Variants in VSTM2L observed in about 807,000 individuals in gnomAD.
VSTM2L encodes the protein V-set and transmembrane domain-containing protein 2-like protein.
A neutral mutation model predicts 19.9 loss-of-function variants in VSTM2L; 9 were observed. That is an observed-to-expected ratio of 0.45 (90% CI 0.27 to 0.79). VSTM2L has a LOEUF of 0.79. VSTM2L is among the 30% of genes least tolerant of loss of function. The probability of loss-of-function intolerance (pLI) is 0.15; values close to 1 mark genes in which losing one functional copy is unlikely to be tolerated. For missense variants in VSTM2L, 286 were observed against 295.5 expected (o/e 0.97, Z 0.24); for synonymous variants, 127 against 133.8 (o/e 0.95, Z 0.35).
chr20:37,908,819 A>G (rs777187893), intron 1 of VSTM2L, among the ~76,000 whole-genome samples: 4 of 152,202 alleles, frequency 2.6e-5, no homozygotes, highest in Admixed American at 6.5e-5. Context: ...AAATAAATAG[A>G]TAAAAATAAA....
chr20:37,904,619 C>T (rs1029192377), intron 1 of VSTM2L, among the ~76,000 whole-genome samples: 3 of 152,212 alleles, frequency 2.0e-5, no homozygotes, highest in African/African-American at 7.2e-5. Context: ...GGCTGACAGC[C>T]TTGTTGGGGA....
intron 1 of VSTM2L, among the ~76,000 whole-genome samples, chr20:37,911,720 C>CG (rs772851354): frequency 6.6e-5 from 10 of 152,200 alleles, no homozygotes; most frequent in Non-Finnish European, 1.2e-4. Flanking sequence ...CCCCTCTCCC[C>CG]CACCCTGTGC....
chr20:37,903,589 C>G, intron 1 of VSTM2L, 118 bp downstream of exon 1: 1 of 1,295,726 alleles, frequency 7.7e-7, no homozygotes, highest in Non-Finnish European at 9.8e-7. Flanking sequence ...CATCCCGGGG[C>G]GCCCCCTGCC....
intron 1 of VSTM2L, among the ~76,000 whole-genome samples, chr20:37,905,485 T>C (rs6096811): frequency 0.12 from 18,027 of 152,126 alleles, 1,284 homozygotes; most frequent in African/African-American, 0.19. Flanking sequence ...CCCAACCAGC[T>C]GTAATCTCCC....
At chr20:37,939,362 G>A (rs1245839659) in intron 3 of VSTM2L, among the ~76,000 whole-genome samples, 5 of 151,988 alleles carry the variant, frequency 3.3e-5, no homozygotes, top group African/African-American at 1.2e-4. Flanking sequence ...AGGCTGCAGT[G>A]AGCCATGATC....
At chr20:37,932,812 C>G (rs901418849) in intron 2 of VSTM2L, among the ~76,000 whole-genome samples, 3 of 152,200 alleles carry the variant, frequency 2.0e-5, no homozygotes, top group African/African-American at 7.2e-5. Flanking sequence ...CTAATGAACA[C>G]GCAAACATAG....
chr20:37,932,968 G>T (rs969573363), intron 2 of VSTM2L, among the ~76,000 whole-genome samples: 3 of 152,240 alleles, frequency 2.0e-5, no homozygotes, highest in East Asian at 1.9e-4. Context: ...GCTCCTGGGG[G>T]TGTCAGCTCC....
At position 37,928,325 on chromosome 20, in the gene VSTM2L, C is replaced by T. The variant is rs576838750; in HGVS notation, c.122-3310C>T. 9.8e-5 allele frequency among the ~76,000 whole-genome samples: 15 copies of T among 152,304 alleles called. No homozygotes were observed. The South Asian group carries it at 1.2e-3, about 13-fold the overall frequency. ...GGCTCCTCACTATCTCCTTGTGTTCCGCTCAAGGTGGCAAGTGGGTGTCAG... is the reference window on the plus strand; with the variant it reads ...GGCTCCTCACTATCTCCTTGTGTTCTGCTCAAGGTGGCAAGTGGGTGTCAG... On this transcript the variant is annotated intron_variant, in intron 1 of 3. Coordinates refer to ENST00000373461, the MANE Select transcript of VSTM2L (RefSeq NM_080607.3).
chr20:37,943,920 GACT>G, intron 3 of VSTM2L, 58 bp from the exon 4 acceptor site: 14 of 213,234 alleles, frequency 6.6e-5, no homozygotes, highest in Non-Finnish European at 8.5e-5. Flanking sequence ...CCCCCCCCCC[GACT>G]CTTCTTCTCC....
chr20:37,923,392 C>T (rs1252894340), intron 1 of VSTM2L, among the ~76,000 whole-genome samples: 1 of 152,194 alleles, frequency 6.6e-6, no homozygotes, highest in African/African-American at 2.4e-5. Context: ...ATAATCAGGC[C>T]TGGGGTTAAT....
Position 37,904,842 on chromosome 20 carries a change from G to C in VSTM2L, c.121+1371G>C, listed in dbSNP as rs8123427. Among the ~76,000 whole-genome samples, 1,178 of 152,208 alleles carry C rather than the reference G, an allele frequency of 7.7e-3. 12 individuals are homozygous for C. Among genetic ancestry groups the C allele is most frequent in the African/African-American group, 0.026 (1,076 of 41,512 alleles). ...CCATCCTCAGGGTCTCTGCTTTTTG[G>C]GAACCATGACTCCCCGCCCCCTTCT... On this transcript the variant is annotated intron_variant, in intron 1 of 3. Transcript: ENST00000373461.
chr20:37,909,920 G>T (rs547556730), intron 1 of VSTM2L, among the ~76,000 whole-genome samples: 1 of 152,200 alleles, frequency 6.6e-6, no homozygotes, highest in African/African-American at 2.4e-5. Flanking sequence ...GAGAAGTGAG[G>T]TGGCAGTGGG....
chr20:37,925,568 G>A (rs148194535), intron 1 of VSTM2L, among the ~76,000 whole-genome samples: 89 of 152,316 alleles, frequency 5.8e-4, no homozygotes, highest in African/African-American at 2.1e-3. Context: ...GCTGCTGACT[G>A]TGAACAGGGA....
chr20:37,927,258 C>G, intron 1 of VSTM2L, among the ~76,000 whole-genome samples: 1 of 152,238 alleles, frequency 6.6e-6, no homozygotes, highest in East Asian at 1.9e-4. Context: ...AGCCACCGTG[C>G]CCGGCCTCAT....
intron 1 of VSTM2L, among the ~76,000 whole-genome samples, chr20:37,912,584 G>A (rs555927362): frequency 1.4e-4 from 21 of 152,318 alleles, no homozygotes; most frequent in African/African-American, 4.8e-4. Context: ...GGCAGGTCAG[G>A]GCTGGGCTGG....
chr20:37,914,014 T>A (rs1568834942), intron 1 of VSTM2L, among the ~76,000 whole-genome samples: 1 of 151,854 alleles, frequency 6.6e-6, no homozygotes, highest in African/African-American at 2.4e-5. Flanking sequence ...GGGAAGGCGC[T>A]GAGTTTGGTG....
chr20:37,924,859 G>T (rs1326330743), intron 1 of VSTM2L, among the ~76,000 whole-genome samples: 1 of 152,146 alleles, frequency 6.6e-6, no homozygotes, highest in Non-Finnish European at 1.5e-5. Flanking sequence ...GTGCAAGTGG[G>T]ATGCGGAAGT....
At chr20:37,918,712 G>A (rs2072833808) in intron 1 of VSTM2L, among the ~76,000 whole-genome samples, 1 of 152,178 alleles carries the variant, frequency 6.6e-6, no homozygotes, top group Admixed American at 6.5e-5. Flanking sequence ...GGCTGGGCTT[G>A]GGAGACCCCT....
intron 1 of VSTM2L, among the ~76,000 whole-genome samples, chr20:37,905,103 C>T (rs1011339121): frequency 7.2e-5 from 11 of 152,036 alleles, no homozygotes; most frequent in African/African-American, 4.8e-5. Context: ...GCAAAGACAG[C>T]GCTTTTTTCC....
Sources: allele counts gnomAD v4.1 joint callset (sites outside exome capture counted in the v4.1 genomes callset), GRCh38; gene constraint gnomAD v4.1.1; transcripts MANE v1.5; gene names NCBI Gene and HGNC (gene_info 2026-07-23, HGNC 2026-07-21).